The following ITGB7 variants were observed in gnomAD, a reference collection of about 807,000 sequenced individuals.
ITGB7 encodes the protein integrin beta-7.
A neutral mutation model predicts 83.4 loss-of-function variants in ITGB7; 55 were observed. That is an observed-to-expected ratio of 0.66 (90% CI 0.53 to 0.83). The LOEUF (loss-of-function observed/expected upper bound fraction) is 0.83. Among genes scored for constraint, ITGB7 ranks in the 40% least tolerant of loss-of-function variants. The pLI, the probability that ITGB7 is intolerant of heterozygous loss-of-function variation, is 0.00. For missense variants in ITGB7, 921 were observed against 1,046.7 expected (o/e 0.88, Z 1.66); for synonymous variants, 454 against 423.6 (o/e 1.07, Z -0.88).
In ITGB7 at chr12:53,193,892, A is replaced by C. The variant is rs752366519; in HGVS notation, c.1318T>G (p.Trp440Gly). 34 of 1,612,652 alleles carry C rather than the reference A, an allele frequency of 2.1e-5. No individual in the cohort carries two copies. The highest frequency in any genetic ancestry group is 2.8e-5 in the Non-Finnish European group (33 of 1,179,322). ...HVRINQTVTFWVSLQATHCLP... is the reference protein window; with the variant it reads ...HVRINQTVTFGVSLQATHCLP... The stretch of plus-strand genomic sequence containing the variant: ...CAGTGGGTGGCTTGGAGAGAAACCC[A>C]GAAAGTCACCTGAGAAGAGGCAGGA... The change falls in exon 11 of 16, where the codon TGG becomes GGG. Residue 440 changes from tryptophan (W) to glycine (G), a missense_variant. Physicochemically the swap from Trp to Gly is radical, Grantham distance 184. Transcript: ENST00000267082.
intron 10 of ITGB7, 95 bp downstream of exon 10, chr12:53,194,103 A>G: frequency 1.3e-6 from 2 of 1,540,762 alleles, no homozygotes; most frequent in Non-Finnish European, 8.9e-7. Flanking sequence ...CTCTCATGTC[A>G]CTCCCTGTAC....
At position 53,195,472 on chromosome 12, in the gene ITGB7, T is replaced by C; in HGVS notation, c.1072-9A>G. 1 of 1,611,944 alleles carries C rather than the reference T, an allele frequency of 6.2e-7. No homozygotes were observed. The highest frequency in any genetic ancestry group is 8.5e-7 in the Non-Finnish European group (1 of 1,178,072). On this transcript the variant is annotated splice_polypyrimidine_tract_variant and intron_variant, in intron 8 of 15. Coordinates refer to ENST00000267082, the MANE Select transcript of ITGB7 (RefSeq NM_000889.3). ...ATCAGTTTACTCAGCTCCTGAGTTTTGGGGAGTTAAGGGAAATGGTGGGTC... is the reference window on the plus strand; with the variant it reads ...ATCAGTTTACTCAGCTCCTGAGTTTCGGGGAGTTAAGGGAAATGGTGGGTC...
chr12:53,196,339 C>T, intron 6 of ITGB7, 140 bp from the exon 7 acceptor site: 3 of 1,090,484 alleles, frequency 2.8e-6, no homozygotes, highest in Non-Finnish European at 3.9e-6. Context: ...CCTTGCTTCT[C>T]CCTGCTCTCT....
At chr12:53,197,307 T>G in intron 5 of ITGB7, 186 bp downstream of exon 5, 1 of 691,070 alleles carries the variant, frequency 1.4e-6, no homozygotes, top group South Asian at 1.6e-5. Context: ...TCTTGAGTCC[T>G]CTCCAGCTCT....
In ITGB7 at chr12:53,196,316, C is replaced by T. The variant is rs896442313; in HGVS notation, c.817-117G>A. ...CACTCTGAGTCAGCTTGTCCATCCC[C>T]TTGCCTCCAGTACCTTGCTTCTCCC... On this transcript the variant is annotated intron_variant, in intron 6 of 15. Coordinates refer to ENST00000267082, the MANE Select transcript of ITGB7 (RefSeq NM_000889.3). 4 of 1,266,976 alleles carry T rather than the reference C, an allele frequency of 3.2e-6. No individual in the cohort carries two copies. In the African/African-American group the frequency reaches 5.9e-5, roughly 19 times the overall value. The allele number at this position is 1,266,976 out of a possible 1,614,324, so 78.5% of individuals were successfully genotyped here. A position where few individuals can be genotyped will look rare whatever the true frequency, so the allele number is the denominator to read the frequency against.
chr12:53,201,871 G>A (rs1239416763), intron 1 of ITGB7, among the ~76,000 whole-genome samples: 3 of 152,078 alleles, frequency 2.0e-5, no homozygotes, highest in Non-Finnish European at 2.9e-5. Flanking sequence ...ACTGTACTTT[G>A]CCCTGGGCAA....
Position 53,192,506 on chromosome 12 carries a change from C to G in ITGB7, c.1979G>C (p.Gly660Ala). The change falls in exon 14 of 16, where the codon GGC (glycine) becomes GCC (alanine). Residue 660 changes from glycine (G) to alanine (A), a missense_variant. Transcript: ENST00000267082. ...DCAECGAFRT[G>A]PLATNCSTAC... is the part of the protein sequence containing the mutation. ...TGTACTGCAGTTGGTGGCCAGTGGG[C>G]CAGTCCTGAAGGCCCCACACTCTGC... 1 of 1,614,122 alleles carries G rather than the reference C, an allele frequency of 6.2e-7. No individual in the cohort carries two copies. The highest frequency in any genetic ancestry group is 8.5e-7 in the Non-Finnish European group (1 of 1,179,998).
At chr12:53,201,037 T>C (rs35469243) in intron 2 of ITGB7, 35 bp downstream of exon 2, 1,644 of 152,568 alleles carry the variant, frequency 0.011, 11 homozygotes, top group Non-Finnish European at 0.017. Context: ...GGACTGAGCC[T>C]GAAAGCACTA....
At chr12:53,202,692 G>A (rs568063783) in intron 1 of ITGB7, among the ~76,000 whole-genome samples, 16 of 152,002 alleles carry the variant, frequency 1.1e-4, no homozygotes, top group Non-Finnish European at 1.9e-4. Context: ...GCCAGGTACC[G>A]TGGCTCATGC....
chr12:53,200,187 A>G (rs2120499314), intron 3 of ITGB7, 56 bp downstream of exon 3: 1 of 1,451,574 alleles, frequency 6.9e-7, no homozygotes, highest in Non-Finnish European at 9.6e-7. Context: ...CTGCACATAC[A>G]TATACACATA....
At position 53,191,634 on chromosome 12, in the gene ITGB7, G is replaced by A. The variant is rs369869580; in HGVS notation, c.2319C>T (p.Asp773=). 14 of 1,612,656 alleles carry A rather than the reference G, an allele frequency of 8.7e-6. No homozygotes were observed. Among genetic ancestry groups the A allele is most frequent in the South Asian group, 2.2e-5 (2 of 91,060 alleles). ...KEQQQLNWKQ[D]SNPLYKSAIT... ...TGGCACTTTTGTAGAGAGGATTACTGTCCTGGAGAAAGATGTTGCAGATTA... is the reference window on the plus strand; with the variant it reads ...TGGCACTTTTGTAGAGAGGATTACTATCCTGGAGAAAGATGTTGCAGATTA... Residue 773 remains aspartate, a splice_region_variant and synonymous_variant, in exon 16 of 16, where the codon GAC becomes GAT. Transcript: ENST00000267082.
chr12:53,198,045 G>A, intron 3 of ITGB7, 94 bp from the exon 4 acceptor site: 6 of 937,948 alleles, frequency 6.4e-6, no homozygotes, highest in Non-Finnish European at 9.5e-6. Context: ...CACCTCTAAT[G>A]CCCCCACCTC....
intron 1 of ITGB7, among the ~76,000 whole-genome samples, chr12:53,202,225 G>T (rs1478626214): frequency 1.3e-5 from 2 of 152,082 alleles, no homozygotes; most frequent in Admixed American, 6.5e-5. Context: ...TGGGTGTGGT[G>T]GTGGGCGCCT....
intron 11 of ITGB7, 34 bp downstream of exon 11, chr12:53,193,674 A>C (rs1287770247): frequency 2.5e-6 from 4 of 1,569,982 alleles, no homozygotes; most frequent in African/African-American, 2.7e-5. Context: ...GGTTGTTGGG[A>C]GCCAGGTGGT....
Position 53,193,184 on chromosome 12 carries a change from C to G in ITGB7, c.1682G>C (p.Cys561Ser). 1.2e-6 allele frequency: 2 copies of G among 1,614,132 alleles called. No homozygotes were observed. The highest frequency in any genetic ancestry group is 1.7e-6 in the Non-Finnish European group (2 of 1,179,990). ...ATGTCGCTCACAGCTGGCATCGTCA[C>G]ACTCGCACAGATGCCCAGAGCTCTG... ...SGQSSGHLCE[C>S]DDASCERHEG... The change falls in exon 12 of 16, where the codon TGT becomes TCT. Residue 561 changes from cysteine to serine, a missense_variant. Coordinates refer to ENST00000267082, the MANE Select transcript of ITGB7 (RefSeq NM_000889.3).
In ITGB7 at chr12:53,192,516, A is replaced by G. The variant is rs201595290; in HGVS notation, c.1969T>C (p.Phe657Leu). The G allele has an allele frequency of 3.7e-6, 6 of 1,614,116 alleles. No individual in the cohort carries two copies. The Middle Eastern group carries it at 5.0e-4, about 133-fold the overall frequency. ...TTGGTGGCCAGTGGGCCAGTCCTGAAGGCCCCACACTCTGCACAGTCCCTG... is the reference window on the plus strand; with the variant it reads ...TTGGTGGCCAGTGGGCCAGTCCTGAGGGCCCCACACTCTGCACAGTCCCTG... Reference protein sequence around the residue: ...RHRDCAECGAFRTGPLATNCS... With the variant: ...RHRDCAECGALRTGPLATNCS... The change falls in exon 14 of 16, where the codon TTC (phenylalanine) becomes CTC (leucine). Residue 657 changes from phenylalanine to leucine, a missense_variant. By Grantham distance (22) the Phe-to-Leu change is conservative. Transcript: ENST00000267082.
chr12:53,191,513 G>C lies in ITGB7; in HGVS notation c.*43C>G, dbSNP rs1174877370. ...TTCCTCTCACCCTCCAGTTCCCACT[G>C]TCCTCCAAGGAGAAGAGCCTTGGGT... On this transcript the variant is annotated 3_prime_UTR_variant, in exon 16 of 16. Transcript: ENST00000267082. The C allele has an allele frequency of 6.8e-7, 1 of 1,469,628 alleles. No individual in the cohort carries two copies. Among genetic ancestry groups the C allele is most frequent in the Non-Finnish European group, 9.5e-7 (1 of 1,048,186 alleles). 91.0% of individuals were successfully genotyped at this position (1,469,628 alleles called of 1,614,324 possible).
At chr12:53,192,573 C>T (rs1425097851) in intron 13 of ITGB7, 35 bp from the exon 14 acceptor site, 1 of 1,607,230 alleles carries the variant, frequency 6.2e-7, no homozygotes. Flanking sequence ...ACCAGCTGGG[C>T]AGTTGTCACC....
chr12:53,192,578 G>C, intron 13 of ITGB7, 40 bp from the exon 14 acceptor site: 1 of 1,605,032 alleles, frequency 6.2e-7, no homozygotes, highest in Non-Finnish European at 8.5e-7. Context: ...CTGGGCAGTT[G>C]TCACCCAATG....
Sources: gnomAD v4.1 joint callset for allele counts (sites outside exome capture counted in the v4.1 genomes callset) on GRCh38, gnomAD v4.1.1 for gene constraint, MANE v1.5 for transcripts, NCBI Gene and HGNC (gene_info 2026-07-23, HGNC 2026-07-21) for gene names.